PLD1: variants seen among roughly 807,000 people sequenced by gnomAD.
The protein encoded by PLD1 is choline phosphatase 1.
A neutral mutation model predicts 137.1 loss-of-function variants in PLD1; 112 were observed. The ratio of observed to expected loss-of-function variants is 0.82; its 90% confidence interval spans 0.70 to 0.96. The LOEUF (loss-of-function observed/expected upper bound fraction) is 0.96, where lower values mean the gene tolerates loss of function less well. Ranked by LOEUF, PLD1 falls within the 40% of genes least tolerant of loss-of-function variation. The pLI is 0.00. For missense variants in PLD1, 1,321 were observed against 1,342.0 expected (o/e 0.98, Z 0.24); for synonymous variants, 431 against 454.7 (o/e 0.95, Z 0.66).
At chr3:171,765,592 C>T (rs936377240) in intron 1 of PLD1, 4 of 152,192 alleles carry the variant, frequency 2.6e-5, no homozygotes, top group East Asian at 1.9e-4. Context: ...ATCAAAGGAC[C>T]CCAAAAGCTT....
At chr3:171,620,687 T>C (rs922760901) in intron 23 of PLD1, among the ~76,000 whole-genome samples, 167 bp from the exon 24 acceptor site, 1 of 148,896 alleles carries the variant, frequency 6.7e-6, no homozygotes, top group Non-Finnish European at 1.5e-5. Context: ...ATTTTTGATA[T>C]CTGAATTTCA....
chr3:171,715,973 A>T (rs577941426), intron 8 of PLD1, among the ~76,000 whole-genome samples: 4 of 143,944 alleles, frequency 2.8e-5, no homozygotes, highest in African/African-American at 1.0e-4. Flanking sequence ...CTTTGTGTCC[A>T]TGAGTTCTCG....
In PLD1 at chr3:171,680,239, CCT is replaced by C. The variant is rs1376584545; in HGVS notation, c.1868-2547_1868-2546del. On this transcript the variant is annotated intron_variant, in intron 16 of 26. Coordinates refer to ENST00000351298, the MANE Select transcript of PLD1 (RefSeq NM_002662.5). ...CCTGTCTTTTTGTTTTCTTTTTCTTCCTCTTTTTTTTTTTTTTTTTTTTTTTT... is the reference window on the plus strand; with the variant it reads ...CCTGTCTTTTTGTTTTCTTTTTCTTCCTTTTTTTTTTTTTTTTTTTTTTTT... 4.3e-5 allele frequency among the ~76,000 whole-genome samples: 6 copies of C among 140,934 alleles called. No individual in the cohort carries two copies. In the East Asian group the frequency reaches 1.0e-3, roughly 24 times the overall value. The allele number at this position is 140,934 out of a possible 152,430, so 92.5% of individuals were successfully genotyped here.
intron 21 of PLD1, among the ~76,000 whole-genome samples, chr3:171,648,888 T>C (rs1736494666): frequency 6.6e-6 from 1 of 152,216 alleles, no homozygotes; most frequent in African/African-American, 2.4e-5. Flanking sequence ...AGGGAGGTAA[T>C]ATTCTACCAT....
intron 16 of PLD1, among the ~76,000 whole-genome samples, chr3:171,679,939 A>G (rs945318026): frequency 7.2e-5 from 11 of 152,200 alleles, no homozygotes; most frequent in Admixed American, 5.9e-4. Context: ...TCTGGCTCCC[A>G]AATGATTTCA....
At chr3:171,808,884 G>A (rs1163637233) in intron 1 of PLD1, among the ~76,000 whole-genome samples, 1 of 130,466 alleles carries the variant, frequency 7.7e-6, no homozygotes, top group African/African-American at 2.9e-5. Context: ...GCGTGCAATG[G>A]CTCCATCTCG....
At chr3:171,606,742 G>A (rs139221507) in intron 25 of PLD1, among the ~76,000 whole-genome samples, 431 of 152,262 alleles carry the variant, frequency 2.8e-3, no homozygotes, top group Non-Finnish European at 4.8e-3. Flanking sequence ...TTCCTATCAC[G>A]TGAAATTTAT....
At position 171,715,277 on chromosome 3, in the gene PLD1, T is replaced by C. The variant is rs572588179; in HGVS notation, c.759-1232A>G. Reference sequence around the variant, plus strand: ...AATCAGTAGGCTGTAGATACATGGATTAATATCTGAGTTCTCTATTCTGTT... The same window carrying C: ...AATCAGTAGGCTGTAGATACATGGACTAATATCTGAGTTCTCTATTCTGTT... On this transcript the variant is annotated intron_variant, in intron 8 of 26. Transcript: ENST00000351298. Among the ~76,000 whole-genome samples the C allele has an allele frequency of 2.0e-5, 3 of 152,328 alleles. No individual in the cohort carries two copies. In the South Asian group the frequency reaches 6.2e-4, roughly 32 times the overall value.
intron 21 of PLD1, among the ~76,000 whole-genome samples, chr3:171,650,221 GGCCTCAA>G (rs1736608146): frequency 6.6e-6 from 1 of 152,108 alleles, no homozygotes; most frequent in Admixed American, 6.5e-5. Flanking sequence ...TCAGTCCTTT[GGCCTCAA>G]GCTGAGTTCG....
intron 1 of PLD1, among the ~76,000 whole-genome samples, chr3:171,783,018 T>G (rs1030769105): frequency 6.6e-6 from 1 of 152,060 alleles, no homozygotes; most frequent in African/African-American, 2.4e-5. Context: ...AGATGATGGA[T>G]GGATGCAAGA....
rs73038021 is a variant in PLD1, at chr3:171,602,284, C to G, written c.*794G>C. 4 of 152,166 alleles carry G rather than the reference C, an allele frequency of 2.6e-5. No homozygotes were observed. Among genetic ancestry groups the G allele is most frequent in the Admixed American group, 6.5e-5 (1 of 15,276 alleles). 9.4% of individuals were successfully genotyped at this position (152,166 alleles called of 1,614,324 possible). On this transcript the variant is annotated 3_prime_UTR_variant, in exon 27 of 27. Transcript: ENST00000351298. Reference sequence around the variant, plus strand: ...TGCTCTCAGTTTTAGCTGGTTGTTACGTAATCAAATATCCCATGCATGTTT... The same window carrying G: ...TGCTCTCAGTTTTAGCTGGTTGTTAGGTAATCAAATATCCCATGCATGTTT...
chr3:171,674,979 CAAAAAAA>C (rs376402019), intron 18 of PLD1, among the ~76,000 whole-genome samples: 8 of 75,028 alleles, frequency 1.1e-4, no homozygotes, highest in African/African-American at 1.8e-4. Context: ...ATCTCCATCT[CAAAAAAA>C]AAAAAAAAAA....
chr3:171,693,266 G>A (rs1715378525), intron 12 of PLD1, among the ~76,000 whole-genome samples: 1 of 152,226 alleles, frequency 6.6e-6, no homozygotes, highest in South Asian at 2.1e-4. Context: ...AGCGTGAGAT[G>A]TGCCACACTC....
chr3:171,709,809 G>T, intron 9 of PLD1, 100 bp from the exon 10 acceptor site: 2 of 995,400 alleles, frequency 2.0e-6, no homozygotes, highest in South Asian at 1.9e-5. Flanking sequence ...GAAAATTTGA[G>T]GCAAAGAACA....
At chr3:171,792,405 A>C (rs746876073) in intron 1 of PLD1, 5 of 360,248 alleles carry the variant, frequency 1.4e-5, no homozygotes, top group Non-Finnish European at 2.7e-5. Context: ...GGTGGCCCCA[A>C]ATGAGATTCT....
intron 1 of PLD1, among the ~76,000 whole-genome samples, chr3:171,744,386 G>C (rs1719990313): frequency 6.6e-6 from 1 of 152,124 alleles, no homozygotes; most frequent in Admixed American, 6.5e-5. Context: ...CATAACCTGT[G>C]AGTCCAGCTT....
chr3:171,794,855 C>A (rs1003269655), intron 1 of PLD1, among the ~76,000 whole-genome samples: 2 of 151,590 alleles, frequency 1.3e-5, no homozygotes, highest in African/African-American at 4.9e-5. Flanking sequence ...TACAAGAGTT[C>A]AAAAAAAACC....
At chr3:171,779,913 A>T (rs1432877456) in intron 1 of PLD1, among the ~76,000 whole-genome samples, 1 of 151,808 alleles carries the variant, frequency 6.6e-6, no homozygotes, top group African/African-American at 2.4e-5. Flanking sequence ...TCTGAGATTC[A>T]GGACTGGGGT....
intron 16 of PLD1, among the ~76,000 whole-genome samples, chr3:171,681,479 T>G (rs1302572693): frequency 6.6e-6 from 1 of 152,228 alleles, no homozygotes; most frequent in South Asian, 2.1e-4. Flanking sequence ...GGTCTTAAGA[T>G]GTAGTATCTA....
Sources: gnomAD v4.1 joint callset for allele counts (sites outside exome capture counted in the v4.1 genomes callset) on GRCh38, gnomAD v4.1.1 for gene constraint, MANE v1.5 for transcripts, NCBI Gene and HGNC (gene_info 2026-07-23, HGNC 2026-07-21) for gene names.